TMEM169: variants seen among roughly 807,000 people sequenced by gnomAD.
TMEM169 encodes transmembrane protein 169.
TMEM169 carries 18 observed loss-of-function variants against 27.3 expected under a neutral mutation model. The ratio of observed to expected loss-of-function variants is 0.66; its 90% CI spans 0.46 to 0.98. The LOEUF is 0.98. Ranked by LOEUF, TMEM169 falls within the 50% of genes least tolerant of loss-of-function variation. The pLI is 0.00. For synonymous variants in TMEM169, 136 were observed against 142.1 expected, an observed-to-expected ratio of 0.96 and a Z score of 0.30; for missense variants, 320 against 368.6, an observed-to-expected ratio of 0.87 and a Z score of 1.08.
chr2:216,100,469 T>C lies in TMEM169; in HGVS notation c.821T>C (p.Leu274Pro). 6.2e-7 allele frequency: 1 copy of C among 1,614,060 alleles called. No individual in the cohort carries two copies. The highest frequency in any genetic ancestry group is 8.5e-7 in the Non-Finnish European group (1 of 1,180,020). The change falls in exon 3 of 3, where the codon CTT (leucine) becomes CCT (proline). Residue 274 changes from leucine (L) to proline (P), a missense_variant. By Grantham distance (98) the Leu-to-Pro change is moderately conservative. Coordinates refer to ENST00000437356, the MANE Select transcript of TMEM169 (RefSeq NM_001142311.2). ...DCSPYSIVEL[L>P]ESDNISSTLS... is the part of the protein sequence containing the mutation. Reference sequence around the variant, plus strand: ...TCTCCCTACAGCATTGTGGAGTTGCTTGAATCCGACAATATCTCAAGCACT... The same window carrying C: ...TCTCCCTACAGCATTGTGGAGTTGCCTGAATCCGACAATATCTCAAGCACT...
At position 216,099,805 on chromosome 2, in the gene TMEM169, C is replaced by T. The variant is rs951674898; in HGVS notation, c.272-115C>T. On this transcript the variant is annotated intron_variant, in intron 2 of 2. Coordinates refer to ENST00000437356, the MANE Select transcript of TMEM169 (RefSeq NM_001142311.2). The surrounding 1 kb of genome is among the most constrained non-coding windows in gnomAD (Gnocchi z 5.0). ...ATTGAATCACTGACTCAGGACTGTG[C>T]CAGATGGTGTAAAAAAGGCTACTCT... The T allele has an allele frequency of 2.9e-6, 4 of 1,388,648 alleles. No homozygotes were observed. The highest frequency in any genetic ancestry group is 2.2e-5 in the Admixed American group (1 of 44,730). 86.0% of individuals were successfully genotyped at this position (1,388,648 alleles called of 1,614,324 possible).
At chr2:216,085,802 C>T (rs1695981090) in intron 1 of TMEM169, among the ~76,000 whole-genome samples, 1 of 150,328 alleles carries the variant, frequency 6.7e-6, no homozygotes. Flanking sequence ...ACCCAGGAGG[C>T]AGAAGTTGTG....
intron 1 of TMEM169, among the ~76,000 whole-genome samples, chr2:216,091,451 G>A (rs1374638858): frequency 6.6e-6 from 1 of 151,832 alleles, no homozygotes; most frequent in African/African-American, 2.4e-5. Flanking sequence ...CAGCTAATTG[G>A]GAGGCTGAGG....
In TMEM169 at chr2:216,101,084, CA is replaced by C; in HGVS notation, c.*543del. The C allele has an allele frequency of 5.9e-6, 1 of 169,476 alleles. No individual in the cohort carries two copies. The highest frequency in any genetic ancestry group is 1.3e-5 in the Non-Finnish European group (1 of 77,498). The allele number at this position is 169,476 out of a possible 1,614,324, so 10.5% of individuals were successfully genotyped here. On this transcript the variant is annotated 3_prime_UTR_variant, in exon 3 of 3. Transcript: ENST00000437356. ...GATAGAAGTGTATTTCTTTCTTGTG[CA>C]GAAGAAGTCTGGAGGCAGACCATCC...
At chr2:216,091,590 C>T (rs1012056662) in intron 1 of TMEM169, among the ~76,000 whole-genome samples, 13 of 149,488 alleles carry the variant, frequency 8.7e-5, no homozygotes, top group African/African-American at 3.2e-4. Flanking sequence ...GAGAGAGACC[C>T]AGAGAGCTAG....
rs1439441154 is a variant in TMEM169 at position 216,101,068 on chromosome 2, G to A, written c.*526G>A. 3.5e-5 allele frequency: 6 copies of A among 171,938 alleles called. 1 individual carries two copies. Among genetic ancestry groups the A allele is most frequent in the Non-Finnish European group, 6.3e-5 (5 of 79,166 alleles). 10.7% of individuals were successfully genotyped at this position (171,938 alleles called of 1,614,324 possible). A position where few individuals can be genotyped will look rare whatever the true frequency, so the allele number is the denominator to read the frequency against. ...TCAGTGGCTTAAACAAGATAGAAGT[G>A]TATTTCTTTCTTGTGCAGAAGAAGT... On this transcript the variant is annotated 3_prime_UTR_variant, in exon 3 of 3. Coordinates refer to ENST00000437356, the MANE Select transcript of TMEM169 (RefSeq NM_001142311.2).
Position 216,085,592 on chromosome 2 carries a change from C to T in TMEM169, c.-127+3613C>T, listed in dbSNP as rs554630659. Among the ~76,000 whole-genome samples, 27 of 152,086 alleles carry T rather than the reference C, an allele frequency of 1.8e-4. 1 individual carries two copies. Among genetic ancestry groups the T allele is most frequent in the Admixed American group, 1.6e-3 (25 of 15,278 alleles). On this transcript the variant is annotated intron_variant, in intron 1 of 2. Coordinates refer to ENST00000437356, the MANE Select transcript of TMEM169 (RefSeq NM_001142311.2). ...GGATGAATTTAAGAATTATCTGGGC[C>T]GGGAGCAGTGGCTCACGCCTGTAAT...
intron 1 of TMEM169, among the ~76,000 whole-genome samples, chr2:216,090,170 A>T (rs1696092789): frequency 6.6e-6 from 1 of 152,184 alleles, no homozygotes; most frequent in South Asian, 2.1e-4. Flanking sequence ...AGAGAGAGTA[A>T]AGTGGCAAGG....
chr2:216,091,182 G>A (rs1434906519), intron 1 of TMEM169, among the ~76,000 whole-genome samples: 1 of 152,124 alleles, frequency 6.6e-6, no homozygotes, highest in African/African-American at 2.4e-5. Flanking sequence ...AAATCCATAT[G>A]TTGAAATTTC....
intron 2 of TMEM169, among the ~76,000 whole-genome samples, chr2:216,098,339 A>G (rs1248270836): frequency 6.6e-6 from 1 of 152,190 alleles, no homozygotes; most frequent in Non-Finnish European, 1.5e-5. Flanking sequence ...GCTGGAGAAG[A>G]GAAGCTGGAT....
chr2:216,086,624 G>T (rs151139622), intron 1 of TMEM169, among the ~76,000 whole-genome samples: 1 of 152,158 alleles, frequency 6.6e-6, no homozygotes. Flanking sequence ...CTTAACAGTT[G>T]TTTATGTCAT....
intron 1 of TMEM169, among the ~76,000 whole-genome samples, chr2:216,092,940 C>A (rs1357164767): frequency 6.6e-6 from 1 of 152,108 alleles, no homozygotes; most frequent in East Asian, 1.9e-4. Flanking sequence ...CATGATGCAG[C>A]TTTCTGAGTG....
At chr2:216,088,464 AAAAC>A (rs961055761) in intron 1 of TMEM169, among the ~76,000 whole-genome samples, 12 of 152,326 alleles carry the variant, frequency 7.9e-5, no homozygotes, top group East Asian at 5.8e-4. Context: ...ACTCCGTCTC[AAAAC>A]AAACAAACAA....
chr2:216,088,463 C>G (rs1013472753), intron 1 of TMEM169, among the ~76,000 whole-genome samples: 2 of 152,156 alleles, frequency 1.3e-5, no homozygotes, highest in African/African-American at 4.8e-5. Context: ...GACTCCGTCT[C>G]AAAACAAACA....
intron 1 of TMEM169, among the ~76,000 whole-genome samples, chr2:216,088,611 G>C (rs904524917): frequency 6.6e-6 from 1 of 152,208 alleles, no homozygotes; most frequent in Admixed American, 6.5e-5. Context: ...TGAGGTGAGA[G>C]GATTGCTTGA....
intron 1 of TMEM169, among the ~76,000 whole-genome samples, chr2:216,092,593 C>T (rs1173216320): frequency 6.6e-6 from 1 of 152,176 alleles, no homozygotes; most frequent in African/African-American, 2.4e-5. Context: ...TGCAACTTGC[C>T]TTCTCACGTG....
rs1437147442 is a variant in TMEM169, at chr2:216,096,197, G to A, written c.234G>A (p.Glu78=). 1.2e-6 allele frequency: 2 copies of A among 1,614,132 alleles called. No homozygotes were observed. The highest frequency in any genetic ancestry group is 8.5e-7 in the Non-Finnish European group (1 of 1,180,020). The change falls in exon 2 of 3, where the codon GAG becomes GAA. Residue 78 remains glutamate, a synonymous_variant. Transcript: ENST00000437356. The part of the protein sequence containing the change: ...ESEGGDQPKE[E]EGDDFLDYPV... ...AAGGTGGAGATCAGCCTAAAGAGGA[G>A]GAGGGAGATGATTTCCTAGACTATC...
intron 1 of TMEM169, among the ~76,000 whole-genome samples, chr2:216,084,559 A>G (rs1311944323): frequency 3.3e-5 from 5 of 152,238 alleles, no homozygotes; most frequent in African/African-American, 1.2e-4. Flanking sequence ...CTATGCAATA[A>G]ATAAGTAAAA....
chr2:216,094,884 C>T (rs1426037014), intron 1 of TMEM169, among the ~76,000 whole-genome samples: 2 of 152,170 alleles, frequency 1.3e-5, no homozygotes, highest in East Asian at 3.8e-4. Context: ...TCTTGCAGCA[C>T]GTGATAGGAC....
Sources: allele counts gnomAD v4.1 joint callset (sites outside exome capture counted in the v4.1 genomes callset), GRCh38; gene constraint gnomAD v4.1.1; non-coding constraint Gnocchi (gnomAD v3.1); transcripts MANE v1.5; gene names NCBI Gene and HGNC (gene_info 2026-07-23, HGNC 2026-07-21).